Variants in GPC5 observed in about 807,000 individuals in gnomAD.
GPC5 encodes glypican-5.
A neutral mutation model predicts 53.9 loss-of-function variants in GPC5; 47 were observed. The ratio of observed to expected loss-of-function variants is 0.87; its 90% CI spans 0.69 to 1.11. The LOEUF (loss-of-function observed/expected upper bound fraction) is 1.11. Ranked by LOEUF, GPC5 falls within the 50% of genes most tolerant of loss-of-function variation. The pLI is 0.00. For missense variants in GPC5, 748 were observed against 713.1 expected (o/e 1.05, Z -0.56); for synonymous variants, 286 against 263.3 (o/e 1.09, Z -0.84).
chr13:92,110,899 T>G (rs570934303), intron 6 of GPC5, among the ~76,000 whole-genome samples: 1 of 152,310 alleles, frequency 6.6e-6, no homozygotes, highest in East Asian at 1.9e-4. Flanking sequence ...GAATCTTTCC[T>G]AAAGAATCAT....
At chr13:92,711,796 T>C (rs540040242) in intron 7 of GPC5, among the ~76,000 whole-genome samples, 5 of 152,048 alleles carry the variant, frequency 3.3e-5, no homozygotes, top group African/African-American at 1.2e-4. Context: ...AATGGAAATC[T>C]CCAACTCAAA....
intron 2 of GPC5, among the ~76,000 whole-genome samples, chr13:91,531,474 C>A (rs937843360): frequency 8.6e-5 from 13 of 152,026 alleles, no homozygotes; most frequent in African/African-American, 3.1e-4. Context: ...TTAAAACTTA[C>A]AAAGGAAAGA....
At chr13:92,085,441 G>A (rs112148070) in intron 6 of GPC5, among the ~76,000 whole-genome samples, 8 of 152,326 alleles carry the variant, frequency 5.3e-5, no homozygotes, top group African/African-American at 1.9e-4. Flanking sequence ...TGTAGATCAT[G>A]AGTGGAAGAA....
chr13:91,746,375 C>G (rs549065586), intron 4 of GPC5, among the ~76,000 whole-genome samples: 1 of 152,232 alleles, frequency 6.6e-6, no homozygotes, highest in East Asian at 1.9e-4. Context: ...AGTAGAGAAA[C>G]AAGCAGTCTG....
intron 2 of GPC5, among the ~76,000 whole-genome samples, chr13:91,680,956 G>C (rs1014552681): frequency 1.7e-4 from 25 of 151,332 alleles, no homozygotes; most frequent in African/African-American, 5.6e-4. Flanking sequence ...TGTTTATTAT[G>C]GTTCTCTTAA....
chr13:92,742,396 T>C (rs946391332), intron 7 of GPC5, among the ~76,000 whole-genome samples: 3 of 152,212 alleles, frequency 2.0e-5, no homozygotes, highest in Admixed American at 6.5e-5. Flanking sequence ...TTGAGAAGTG[T>C]CTATTCATAT....
intron 7 of GPC5, among the ~76,000 whole-genome samples, chr13:92,385,381 CATATATATACAT>C (rs1566567266): frequency 2.2e-5 from 2 of 92,994 alleles, no homozygotes; most frequent in African/African-American, 8.6e-5. Context: ...TACATATATA[CATATATATACAT>C]ATATACACAT....
intron 7 of GPC5, among the ~76,000 whole-genome samples, chr13:92,413,964 C>T (rs1876166460): frequency 6.6e-6 from 1 of 152,100 alleles, no homozygotes; most frequent in South Asian, 2.1e-4. Context: ...TTCATGGTCC[C>T]ATTTTTCTAA....
chr13:91,888,318 CGTG>C (rs1299271711), intron 5 of GPC5, among the ~76,000 whole-genome samples: 2 of 152,248 alleles, frequency 1.3e-5, no homozygotes, highest in Non-Finnish European at 1.5e-5. Flanking sequence ...TCCCAGGACA[CGTG>C]GGGATTATGG....
intron 7 of GPC5, among the ~76,000 whole-genome samples, chr13:92,583,130 T>C (rs1229398073): frequency 6.6e-6 from 1 of 152,204 alleles, no homozygotes; most frequent in African/African-American, 2.4e-5. Context: ...GCTTGTCATA[T>C]ATGACCTTTA....
chr13:91,497,989 G>C lies in GPC5; in HGVS notation c.325+49067G>C, dbSNP rs1205974767. On this transcript the variant is annotated intron_variant, in intron 2 of 7. Transcript: ENST00000377067. ...CCCCTACTTTTGATTTTAATGTAAA[G>C]ATTTATTCCCCTGTCTAATACTGTC... 2.6e-5 allele frequency among the ~76,000 whole-genome samples: 4 copies of C among 151,980 alleles called. 1 individual carries two copies. The highest frequency in any genetic ancestry group is 5.9e-5 in the Non-Finnish European group (4 of 67,996).
rs552788407 is a variant in GPC5 at position 92,088,570 on chromosome 13, T to C, written c.1402-56260T>C. Among the ~76,000 whole-genome samples the C allele has an allele frequency of 7.9e-5, 12 of 152,216 alleles. No individual in the cohort carries two copies. The East Asian group carries it at 2.1e-3, about 27-fold the overall frequency. On this transcript the variant is annotated intron_variant, in intron 6 of 7. Coordinates refer to ENST00000377067, the MANE Select transcript of GPC5 (RefSeq NM_004466.6). ...TCCTTGCCTCACCTCAATCAGTCAT[T>C]GGCTATGGGCCACACCTGGGATGGA... is the stretch of plus-strand genomic sequence containing the variant.
At chr13:92,510,574 C>A (rs966584529) in intron 7 of GPC5, among the ~76,000 whole-genome samples, 2 of 152,246 alleles carry the variant, frequency 1.3e-5, no homozygotes, top group East Asian at 3.9e-4. Context: ...GACATAAGGC[C>A]TCAGGACATT....
chr13:92,608,582 T>C (rs190474559), intron 7 of GPC5, among the ~76,000 whole-genome samples: 1 of 152,260 alleles, frequency 6.6e-6, no homozygotes, highest in Non-Finnish European at 1.5e-5. Flanking sequence ...GGCCCAGATA[T>C]AATAGGGAGT....
chr13:91,832,300 CTTTT>C (rs55698516), intron 5 of GPC5, among the ~76,000 whole-genome samples: 31 of 122,972 alleles, frequency 2.5e-4, no homozygotes, highest in Non-Finnish European at 3.0e-4. Flanking sequence ...GCTTTTTTCT[CTTTT>C]TTTTTTTTTT....
intron 7 of GPC5, among the ~76,000 whole-genome samples, chr13:92,262,293 C>T (rs1420157806): frequency 6.6e-6 from 1 of 152,148 alleles, no homozygotes; most frequent in Non-Finnish European, 1.5e-5. Context: ...GAAATGTCAA[C>T]ACAGGGCATT....
chr13:92,304,350 G>A (rs1036157820), intron 7 of GPC5, among the ~76,000 whole-genome samples: 1 of 151,720 alleles, frequency 6.6e-6, no homozygotes, highest in East Asian at 1.9e-4. Flanking sequence ...GACTATAGGC[G>A]CCTGCCACCA....
chr13:92,526,438 C>G (rs78195846), intron 7 of GPC5, among the ~76,000 whole-genome samples: 1 of 151,946 alleles, frequency 6.6e-6, no homozygotes, highest in African/African-American at 2.4e-5. Flanking sequence ...GAAATAAGTC[C>G]AGTGTGGGTG....
chr13:92,501,900 A>G (rs1880196351), intron 7 of GPC5, among the ~76,000 whole-genome samples: 1 of 152,114 alleles, frequency 6.6e-6, no homozygotes. Flanking sequence ...TTCTCAAATA[A>G]AGGAAAACTA....
Sources: gnomAD v4.1 joint callset for allele counts (sites outside exome capture counted in the v4.1 genomes callset) on GRCh38, gnomAD v4.1.1 for gene constraint, MANE v1.5 for transcripts, NCBI Gene and HGNC (gene_info 2026-07-23, HGNC 2026-07-21) for gene names.